The following SGCZ variants were observed in gnomAD, a reference collection of about 807,000 sequenced individuals.
SGCZ encodes the protein sarcoglycan zeta, also known as zeta-sarcoglycan.
In SGCZ, 40 loss-of-function variants were observed where a neutral mutation model predicts 41.3. That is an observed-to-expected ratio of 0.97 (90% CI 0.75 to 1.26). The LOEUF is 1.26. SGCZ is among the 50% of genes most tolerant of loss of function. The probability of loss-of-function intolerance (pLI) is 0.00; values close to 1 mark genes in which losing one functional copy is unlikely to be tolerated. For synonymous variants in SGCZ, 206 were observed against 137.5 expected (o/e 1.50, Z -3.49); for missense variants, 552 against 369.8 (o/e 1.49, Z -4.04).
At chr8:14,652,934 A>G (rs1249209692) in intron 1 of SGCZ, among the ~76,000 whole-genome samples, 2 of 152,110 alleles carry the variant, frequency 1.3e-5, no homozygotes, top group African/African-American at 4.8e-5. Flanking sequence ...CTTAATTATC[A>G]TACAAAAATT....
intron 1 of SGCZ, among the ~76,000 whole-genome samples, chr8:14,760,434 G>C (rs73531158): frequency 0.027 from 4,143 of 152,264 alleles, 90 homozygotes; most frequent in South Asian, 0.074. Flanking sequence ...TGTACAGCCA[G>C]ATTGGGGGAA....
At chr8:15,200,617 A>G (rs947325333) in intron 1 of SGCZ, among the ~76,000 whole-genome samples, 2 of 152,232 alleles carry the variant, frequency 1.3e-5, no homozygotes, top group African/African-American at 4.8e-5. Flanking sequence ...TGACTGTTAC[A>G]TGGAGTCATA....
intron 4 of SGCZ, among the ~76,000 whole-genome samples, chr8:14,229,712 CCTT>C (rs1563198988): frequency 2.0e-5 from 3 of 151,634 alleles, no homozygotes; most frequent in African/African-American, 7.3e-5. Flanking sequence ...TAATCCATAA[CCTT>C]CTACTTTTTA....
At chr8:14,946,703 TC>T (rs1800461651) in intron 1 of SGCZ, among the ~76,000 whole-genome samples, 1 of 145,372 alleles carries the variant, frequency 6.9e-6, no homozygotes, top group African/African-American at 2.5e-5. Context: ...TGAGATCGAC[TC>T]TTGCTTTGTT....
intron 2 of SGCZ, among the ~76,000 whole-genome samples, chr8:14,456,900 A>ACT (rs759040889): frequency 6.6e-6 from 1 of 151,642 alleles, no homozygotes; most frequent in Non-Finnish European, 1.5e-5. Flanking sequence ...CTCCAACCAC[A>ACT]CTCTCTCTCT....
chr8:15,211,076 G>GATAGAT (rs906893875), intron 1 of SGCZ, among the ~76,000 whole-genome samples: 4 of 149,756 alleles, frequency 2.7e-5, no homozygotes, highest in African/African-American at 4.9e-5. Context: ...TAGATATATA[G>GATAGAT]ATAGATATAG....
chr8:14,636,865 G>C (rs1393988295), intron 1 of SGCZ, among the ~76,000 whole-genome samples: 1 of 151,790 alleles, frequency 6.6e-6, no homozygotes, highest in Non-Finnish European at 1.5e-5. Context: ...TGGAAACTCA[G>C]AAGAATAAAA....
intron 2 of SGCZ, among the ~76,000 whole-genome samples, chr8:14,327,813 G>A (rs547145750): frequency 7.2e-5 from 11 of 152,184 alleles, no homozygotes; most frequent in South Asian, 4.1e-4. Flanking sequence ...ATGGAGTCTC[G>A]CTCTTTCGCC....
intron 1 of SGCZ, among the ~76,000 whole-genome samples, chr8:15,058,136 C>A (rs1056520834): frequency 6.6e-6 from 1 of 152,092 alleles, no homozygotes; most frequent in Non-Finnish European, 1.5e-5. Context: ...TAGGAAGGTA[C>A]CAACCATACA....
chr8:14,409,475 G>C (rs1799302898), intron 2 of SGCZ, among the ~76,000 whole-genome samples: 1 of 150,520 alleles, frequency 6.6e-6, no homozygotes, highest in South Asian at 2.1e-4. Flanking sequence ...CTCAGAATTT[G>C]AAAAAAAAAT....
chr8:14,841,614 G>A (rs1464773053), intron 1 of SGCZ, among the ~76,000 whole-genome samples: 1 of 152,082 alleles, frequency 6.6e-6, no homozygotes, highest in African/African-American at 2.4e-5. Context: ...GTTAAACTAA[G>A]GAATACTTGG....
chr8:14,749,049 T>C (rs755161852), intron 1 of SGCZ, among the ~76,000 whole-genome samples: 1 of 152,106 alleles, frequency 6.6e-6, no homozygotes, highest in African/African-American at 2.4e-5. Flanking sequence ...TTCATCCAAT[T>C]TCTATCTAAT....
At position 14,921,028 on chromosome 8, in the gene SGCZ, G is replaced by A. The variant is rs75466746; in HGVS notation, c.39+316557C>T. The stretch of plus-strand genomic sequence containing the variant: ...AGTGTAGCCCATATCCAATAGTGTT[G>A]GATTTAGGGTAAAAAGGTCCAACCC... On this transcript the variant is annotated intron_variant, in intron 1 of 7. Transcript: ENST00000382080. 3.4e-4 allele frequency among the ~76,000 whole-genome samples: 52 copies of A among 152,196 alleles called. 1 individual carries two copies. The highest frequency in any genetic ancestry group is 1.1e-3 in the African/African-American group (46 of 41,510).
chr8:14,858,040 A>C, intron 1 of SGCZ, among the ~76,000 whole-genome samples: 1 of 152,110 alleles, frequency 6.6e-6, no homozygotes, highest in Non-Finnish European at 1.5e-5. Flanking sequence ...TGTAATGTGA[A>C]CTTTATATTT....
intron 1 of SGCZ, among the ~76,000 whole-genome samples, chr8:15,046,776 T>C (rs1252158894): frequency 6.6e-6 from 1 of 151,998 alleles, no homozygotes; most frequent in African/African-American, 2.4e-5. Flanking sequence ...TATACAAATG[T>C]CTGATGCTAA....
At chr8:14,143,168 A>G (rs539259279) in intron 5 of SGCZ, among the ~76,000 whole-genome samples, 5 of 152,282 alleles carry the variant, frequency 3.3e-5, no homozygotes, top group East Asian at 1.9e-4. Context: ...ACCTTTCTCT[A>G]TTTGACAAAG....
At chr8:15,061,056 A>G (rs565892629) in intron 1 of SGCZ, among the ~76,000 whole-genome samples, 42 of 152,204 alleles carry the variant, frequency 2.8e-4, no homozygotes, top group South Asian at 8.3e-4. Context: ...GATTGACCCA[A>G]TCGTTGTTCC....
intron 1 of SGCZ, among the ~76,000 whole-genome samples, chr8:14,738,029 G>A (rs1563236398): frequency 6.6e-6 from 1 of 152,022 alleles, no homozygotes; most frequent in Admixed American, 6.6e-5. Context: ...AGGTAGTGAG[G>A]TAGAAAGCTC....
intron 2 of SGCZ, among the ~76,000 whole-genome samples, chr8:14,505,397 T>C (rs140963612): frequency 1.3e-5 from 2 of 152,270 alleles, no homozygotes; most frequent in Non-Finnish European, 2.9e-5. Flanking sequence ...TGAACTTCTC[T>C]GAAGTTATTC....
Sources: allele counts gnomAD v4.1 joint callset (sites outside exome capture counted in the v4.1 genomes callset), GRCh38; gene constraint gnomAD v4.1.1; transcripts MANE v1.5; gene names NCBI Gene and HGNC (gene_info 2026-07-23, HGNC 2026-07-21).